Variants in MAP4 observed in about 807,000 individuals in gnomAD.
MAP4 encodes the protein microtubule associated protein 4.
Under a neutral mutation model 170.2 loss-of-function variants are expected in MAP4, and 76 were observed. The observed-to-expected ratio is 0.45, with a 90% CI of 0.37 to 0.54. The LOEUF is 0.54. Ranked by LOEUF, MAP4 falls within the 20% of genes least tolerant of loss-of-function variation. The probability of loss-of-function intolerance (pLI) is 0.00; values close to 1 mark genes in which losing one functional copy is unlikely to be tolerated. For missense variants in MAP4, 2,506 were observed against 2,748.0 expected (o/e 0.91, Z 1.97); for synonymous variants, 909 against 994.5 (o/e 0.91, Z 1.62).
chr3:48,017,714 A>G (rs2100108500), upstream of MAP4, among the ~76,000 whole-genome samples: 1 of 152,142 alleles, frequency 6.6e-6, no homozygotes. Context: ...GAAAGTCTTG[A>G]AATCAAGGTC....
Position 47,909,027 on chromosome 3 carries a change from C to T in MAP4, c.5383+11G>A, listed in dbSNP as rs1481934943. On this transcript the variant is annotated intron_variant, in intron 9 of 20. Transcript: ENST00000683076. ...CACAAGCACACACATTTCCCCATGG[C>T]AGGTTCATACCAGCGGACTTCAGTT... 6 of 1,604,708 alleles carry T rather than the reference C, an allele frequency of 3.7e-6. No homozygotes were observed. The highest frequency in any genetic ancestry group is 2.2e-5 in the East Asian group (1 of 44,784).
intron 17 of MAP4, among the ~76,000 whole-genome samples, chr3:47,861,311 G>A (rs2065331872): frequency 6.6e-6 from 1 of 151,740 alleles, no homozygotes; most frequent in African/African-American, 2.4e-5. Context: ...AGCCGAGATC[G>A]TGCCATTGCA....
chr3:47,921,790 T>A lies in MAP4; in HGVS notation c.504A>T (p.Gln168His). 6.2e-7 allele frequency: 1 copy of A among 1,609,934 alleles called. No homozygotes were observed. The highest frequency in any genetic ancestry group is 1.1e-5 in the South Asian group (1 of 90,978). Residue 168 changes from glutamine (Q) to histidine (H), a missense_variant, in exon 5 of 21, where the codon CAA becomes CAT. Around this residue, in one of 3 missense-constraint regions of MAP4, gnomAD observed 2,008 missense variants for 2,206.0 expected, o/e 0.91. Coordinates refer to ENST00000683076, the MANE Select transcript of MAP4 (RefSeq NM_001385682.1). ...ATADTSIFAGQNDPLKDSYGM... is the reference protein window; with the variant it reads ...ATADTSIFAGHNDPLKDSYGM... Reference sequence around the variant, plus strand: ...CGTAACTGTCTTTCAAGGGATCATTTTGTCCTGCAAATATTGAAGTATCAG... The same window carrying A: ...CGTAACTGTCTTTCAAGGGATCATTATGTCCTGCAAATATTGAAGTATCAG...
intron 1 of MAP4, among the ~76,000 whole-genome samples, chr3:48,000,345 C>T (rs2100098484): frequency 6.7e-6 from 1 of 150,048 alleles, no homozygotes; most frequent in Non-Finnish European, 1.5e-5. Context: ...AAAAGTCTAA[C>T]AGAAACTCCA....
In MAP4 at chr3:47,911,539, G is replaced by C; in HGVS notation, c.2882C>G (p.Ser961Ter). Residue 961 changes from serine to a stop codon, truncating the protein, a stop_gained, in exon 9 of 21, where the codon TCA becomes TGA. Transcript: ENST00000683076. LOFTEE classifies it high-confidence loss of function. The surrounding 1 kb of genome is among the most constrained non-coding windows in gnomAD (Gnocchi z 4.0). ...FLDQEVMGVV[S>*]KPTAAKEIPN... is the part of the protein sequence containing the mutation. Reference sequence around the variant, plus strand: ...TATTTCTTTTGCTGCTGTGGGTTTTGAAACTACACCCATAACCTCTTGGTC... The same window carrying C: ...TATTTCTTTTGCTGCTGTGGGTTTTCAAACTACACCCATAACCTCTTGGTC... The C allele has an allele frequency of 3.9e-6, 6 of 1,535,936 alleles. No individual in the cohort carries two copies. Among genetic ancestry groups the C allele is most frequent in the Non-Finnish European group, 5.2e-6 (6 of 1,146,850 alleles).
chr3:48,051,369 ACT>A (rs1037741393), intron 1 of MAP4, among the ~76,000 whole-genome samples: 28 of 151,972 alleles, frequency 1.8e-4, no homozygotes, highest in African/African-American at 5.1e-4. Flanking sequence ...ACAGAGCAAG[ACT>A]CTCTCTGAAA....
chr3:47,923,431 A>G (rs1178316995), intron 4 of MAP4, among the ~76,000 whole-genome samples: 1 of 151,318 alleles, frequency 6.6e-6, no homozygotes, highest in Non-Finnish European at 1.5e-5. Flanking sequence ...TCAGAAAACC[A>G]TGGGAGCCTG....
chr3:48,013,632 G>A (rs1053476096), intron 1 of MAP4: 3 of 150,774 alleles, frequency 2.0e-5, no homozygotes, highest in African/African-American at 7.3e-5. Context: ...AAGACCCTCA[G>A]TGTGAATATG....
At chr3:47,996,306 C>T (rs1327666911) in intron 2 of MAP4, among the ~76,000 whole-genome samples, 1 of 152,084 alleles carries the variant, frequency 6.6e-6, no homozygotes, top group African/African-American at 2.4e-5. Flanking sequence ...TGAGAAGACG[C>T]TACTACTGTG....
intron 10 of MAP4, chr3:47,891,399 C>T (rs2153048634): frequency 6.5e-7 from 1 of 1,535,940 alleles, no homozygotes. Context: ...TTGTAGCTAG[C>T]TGTCTGTTCC....
chr3:48,042,195 G>C (rs2100121975), intron 1 of MAP4, among the ~76,000 whole-genome samples: 1 of 152,174 alleles, frequency 6.6e-6, no homozygotes, highest in Non-Finnish European at 1.5e-5. Flanking sequence ...GAAGTGTGGG[G>C]AGAGGCAGTC....
At chr3:48,071,447 C>CTGAA (rs1283454984) in intron 1 of MAP4, among the ~76,000 whole-genome samples, 2 of 151,992 alleles carry the variant, frequency 1.3e-5, no homozygotes, top group Non-Finnish European at 2.9e-5. Context: ...ACCCATAAGG[C>CTGAA]TGAAGTTGGG....
intron 2 of MAP4, among the ~76,000 whole-genome samples, chr3:47,981,200 A>T (rs917376600): frequency 7.9e-5 from 12 of 152,240 alleles, no homozygotes; most frequent in Non-Finnish European, 1.3e-4. Context: ...ACACAGTAAT[A>T]AAAGAAATGA....
rs1215969603 is a variant in MAP4, at chr3:48,055,893, GAGA to G, written c.-20+32877_-20+32879del. On this transcript the variant is annotated intron_variant, in intron 1 of 18. Transcript: ENST00000360240. ...ATGTGAGGAGCGCCTCTGCCCGGCC[GAGA>G]CCCCGTCTGGGAGGTGAGGAGCGTC... Among the ~76,000 whole-genome samples the G allele has an allele frequency of 6.7e-3, 405 of 60,644 alleles. 1 individual carries two copies. Among genetic ancestry groups the G allele is most frequent in the Middle Eastern group, 0.029 (3 of 104 alleles). The allele number at this position is 60,644 out of a possible 152,430, so 39.8% of individuals were successfully genotyped here.
chr3:47,873,255 C>A (rs1438964744), intron 12 of MAP4, among the ~76,000 whole-genome samples: 1 of 152,224 alleles, frequency 6.6e-6, no homozygotes, highest in Admixed American at 6.5e-5. Flanking sequence ...CTGGGTCACT[C>A]TAGTTCCTTT....
At chr3:47,981,228 G>A (rs1044602699) in intron 2 of MAP4, among the ~76,000 whole-genome samples, 4 of 152,092 alleles carry the variant, frequency 2.6e-5, no homozygotes, top group Admixed American at 6.6e-5. Flanking sequence ...TCGTGTTACC[G>A]ATACAGGAAG....
chr3:48,056,696 C>T (rs1443647820), intron 1 of MAP4, among the ~76,000 whole-genome samples: 1 of 111,208 alleles, frequency 9.0e-6, no homozygotes, highest in South Asian at 3.2e-4. Context: ...GGCCAGCCGC[C>T]CCGTCTGGGA....
intron 3 of MAP4, chr3:47,975,424 T>C (rs778140695): frequency 7.7e-6 from 12 of 1,564,974 alleles, no homozygotes; most frequent in Non-Finnish European, 1.0e-5. Context: ...ATCACTGGTC[T>C]GGTGTTGCAG....
chr3:47,886,973 G>A (rs560788569), intron 10 of MAP4, among the ~76,000 whole-genome samples: 1 of 152,356 alleles, frequency 6.6e-6, no homozygotes, highest in South Asian at 2.1e-4. Flanking sequence ...CTGACCTGGA[G>A]CTACTTTATC....
Sources: gnomAD v4.1 joint callset for allele counts (sites outside exome capture counted in the v4.1 genomes callset) on GRCh38, gnomAD v4.1.1 for gene constraint, gnomAD v4.1.1 regional missense constraint, Gnocchi (gnomAD v3.1) non-coding constraint, MANE v1.5 for transcripts, NCBI Gene and HGNC (gene_info 2026-07-23, HGNC 2026-07-21) for gene names.